Variants in NWD2 observed in about 807,000 individuals in gnomAD.
NWD2 encodes the protein NACHT and WD repeat domain containing 2, also known as NACHT and WD repeat domain-containing protein 2.
Under a neutral mutation model 132.7 loss-of-function variants are expected in NWD2, and 37 were observed. The observed-to-expected ratio is 0.28, with a 90% CI of 0.21 to 0.37. The LOEUF is 0.37. NWD2 is among the 10% of genes least tolerant of loss of function. The pLI, the probability that NWD2 is intolerant of heterozygous loss-of-function variation, is 1.00. For missense variants in NWD2, 1,592 were observed against 2,122.4 expected, an observed-to-expected ratio of 0.75 and a Z score of 4.91; for synonymous variants, 705 against 803.0, an observed-to-expected ratio of 0.88 and a Z score of 2.06.
rs1218646662 is a variant in NWD2 at position 37,445,606 on chromosome 4, C to T, written c.3618C>T (p.Ile1206=). The change falls in exon 7 of 7, where the codon ATC becomes ATT. Residue 1206 remains isoleucine (I), a synonymous_variant. Transcript: ENST00000309447. This position sits in a 1 kb window ranked among gnomAD's most constrained non-coding sequence, Gnocchi z 4.7. ...ELSEDQSAVL[I]CKALSIELLD... is the part of the protein sequence containing the mutation. Reference sequence around the variant, plus strand: ...CAGAAGACCAAAGTGCAGTTCTGATCTGTAAAGCCCTCAGCATTGAGCTCT... The same window carrying T: ...CAGAAGACCAAAGTGCAGTTCTGATTTGTAAAGCCCTCAGCATTGAGCTCT... 6.4e-7 allele frequency: 1 copy of T among 1,552,160 alleles called. No homozygotes were observed. The highest frequency in any genetic ancestry group is 8.7e-7 in the Non-Finnish European group (1 of 1,147,148).
chr4:37,277,002 G>A lies in NWD2; in HGVS notation c.151+31784G>A, dbSNP rs542639752. ...CCTGTTGTGGGGTTGGGGGATGGGG[G>A]AGGGATAGTATTAGAAGATATACCT... On this transcript the variant is annotated intron_variant, in intron 1 of 6. Coordinates refer to ENST00000309447, the MANE Select transcript of NWD2 (RefSeq NM_001144990.2). Among the ~76,000 whole-genome samples, 8 of 152,110 alleles carry A rather than the reference G, an allele frequency of 5.3e-5. No individual in the cohort carries two copies. The South Asian group carries it at 1.7e-3, about 32-fold the overall frequency.
intron 1 of NWD2, among the ~76,000 whole-genome samples, chr4:37,312,158 C>G (rs1718858139): frequency 6.6e-6 from 1 of 151,402 alleles, no homozygotes; most frequent in South Asian, 2.1e-4. Context: ...TTTTCCAATT[C>G]TGTGAAGAAA....
rs555640342 is a variant in NWD2 at position 37,382,287 on chromosome 4, G to A, written c.357+25805G>A. On this transcript the variant is annotated intron_variant, in intron 3 of 6. Transcript: ENST00000309447. ...CTTGCCAGGATGTCAGTGGGTCTGCGCCTGCACACCAGTGAACCTAGATTA... is the reference window on the plus strand; with the variant it reads ...CTTGCCAGGATGTCAGTGGGTCTGCACCTGCACACCAGTGAACCTAGATTA... Among the ~76,000 whole-genome samples, 64 of 152,260 alleles carry A rather than the reference G, an allele frequency of 4.2e-4. 1 individual carries two copies. In the Middle Eastern group the frequency reaches 0.031, roughly 73 times the overall value.
intron 2 of NWD2, among the ~76,000 whole-genome samples, chr4:37,337,943 A>G (rs904809637): frequency 6.6e-6 from 1 of 152,136 alleles, no homozygotes. Flanking sequence ...ACTAGATCCA[A>G]GCTGCCACTG....
intron 3 of NWD2, among the ~76,000 whole-genome samples, chr4:37,378,074 ATTAAAAAATGG>A (rs1035917151): frequency 3.0e-4 from 46 of 152,200 alleles, no homozygotes; most frequent in African/African-American, 1.1e-3. Flanking sequence ...ACTTCTTATA[ATTAAAAAATGG>A]ATTTCTAAGC....
chr4:37,266,829 C>T (rs772750567), intron 1 of NWD2, among the ~76,000 whole-genome samples: 1 of 152,028 alleles, frequency 6.6e-6, no homozygotes, highest in Non-Finnish European at 1.5e-5. Context: ...TCCCACTCAG[C>T]ACCTTATTCT....
intron 3 of NWD2, among the ~76,000 whole-genome samples, chr4:37,361,649 A>G (rs1182179847): frequency 6.6e-6 from 1 of 152,146 alleles, no homozygotes; most frequent in African/African-American, 2.4e-5. Flanking sequence ...CCCTCAGTAA[A>G]CAAGGCATCG....
intron 3 of NWD2, among the ~76,000 whole-genome samples, chr4:37,380,240 T>TTC (rs1163911078): frequency 1.3e-5 from 2 of 152,210 alleles, no homozygotes; most frequent in African/African-American, 4.8e-5. Context: ...TGTTTGACGA[T>TTC]AAAGTCCGGA....
chr4:37,317,541 G>A (rs1718982801), intron 1 of NWD2, among the ~76,000 whole-genome samples: 1 of 152,094 alleles, frequency 6.6e-6, no homozygotes, highest in South Asian at 2.1e-4. Context: ...CTTTGAGCTG[G>A]GGTGTGAAGG....
At chr4:37,406,343 C>T (rs566027837) in intron 3 of NWD2, among the ~76,000 whole-genome samples, 6 of 152,118 alleles carry the variant, frequency 3.9e-5, no homozygotes, top group African/African-American at 1.4e-4. Context: ...ATAATTGATA[C>T]AGTGGGAAGG....
At chr4:37,274,822 G>C (rs1373821014) in intron 1 of NWD2, among the ~76,000 whole-genome samples, 2 of 151,882 alleles carry the variant, frequency 1.3e-5, no homozygotes, top group Non-Finnish European at 2.9e-5. Context: ...CAGAACCAAA[G>C]ACAAAAACCA....
At position 37,356,490 on chromosome 4, in the gene NWD2, TAA is replaced by T. The variant is rs1560402942; in HGVS notation, c.357+14_357+15del. The T allele has an allele frequency of 2.0e-5, 29 of 1,446,956 alleles. No individual in the cohort carries two copies. The highest frequency in any genetic ancestry group is 2.8e-5 in the African/African-American group (2 of 71,064). 89.6% of individuals were successfully genotyped at this position (1,446,956 alleles called of 1,614,324 possible). On this transcript the variant is annotated intron_variant, in intron 3 of 6. Transcript: ENST00000309447. The stretch of plus-strand genomic sequence containing the variant: ...GCAGGTCCATGTTTTGTTGTGGGTA[TAA>T]AAAAACTAATGCTTTATATTAACTT...
intron 1 of NWD2, among the ~76,000 whole-genome samples, chr4:37,274,942 A>C (rs1219549502): frequency 6.6e-6 from 1 of 152,164 alleles, no homozygotes; most frequent in Non-Finnish European, 1.5e-5. Flanking sequence ...AAATAATAAG[A>C]GCTATCTATG....
chr4:37,322,548 G>A (rs371801118), intron 1 of NWD2, among the ~76,000 whole-genome samples: 5 of 152,290 alleles, frequency 3.3e-5, no homozygotes, highest in African/African-American at 9.6e-5. Context: ...TGGGGAGAGA[G>A]AGAACACTCA....
intron 1 of NWD2, among the ~76,000 whole-genome samples, chr4:37,312,525 T>G (rs1480019632): frequency 6.6e-6 from 1 of 151,068 alleles, no homozygotes; most frequent in Non-Finnish European, 1.5e-5. Context: ...TAAGGAGATT[T>G]TGGGCTGAGA....
chr4:37,375,091 C>T (rs1287059709), intron 3 of NWD2, among the ~76,000 whole-genome samples: 1 of 152,212 alleles, frequency 6.6e-6, no homozygotes, highest in Non-Finnish European at 1.5e-5. Flanking sequence ...ATCTTCTGTG[C>T]TTTCAAAGAA....
intron 1 of NWD2, among the ~76,000 whole-genome samples, chr4:37,290,827 G>A (rs755014024): frequency 2.2e-4 from 34 of 152,172 alleles, no homozygotes; most frequent in African/African-American, 7.0e-4. Context: ...TCTTCACTCC[G>A]CAGATGAATT....
At chr4:37,382,766 C>T (rs1202723628) in intron 3 of NWD2, among the ~76,000 whole-genome samples, 1 of 152,094 alleles carries the variant, frequency 6.6e-6, no homozygotes, top group Non-Finnish European at 1.5e-5. Context: ...TCACGGCTCA[C>T]TGCAGCCTCC....
At chr4:37,416,852 G>GA (rs1711627444) in intron 3 of NWD2, among the ~76,000 whole-genome samples, 1 of 148,276 alleles carries the variant, frequency 6.7e-6, no homozygotes, top group African/African-American at 2.6e-5. Flanking sequence ...CTCAGAAATG[G>GA]AAAACCAAAC....
Sources: gnomAD v4.1 joint callset for allele counts (sites outside exome capture counted in the v4.1 genomes callset) on GRCh38, gnomAD v4.1.1 for gene constraint, Gnocchi (gnomAD v3.1) non-coding constraint, MANE v1.5 for transcripts, NCBI Gene and HGNC (gene_info 2026-07-23, HGNC 2026-07-21) for gene names.